The following PALM2AKAP2 variants were observed in gnomAD, a reference collection of about 807,000 sequenced individuals.
The protein encoded by PALM2AKAP2 is PALM2 and AKAP2 fusion, also known as PALM2-AKAP2 fusion protein.
Under a neutral mutation model 71.5 loss-of-function variants are expected in PALM2AKAP2, and 37 were observed. That is an observed-to-expected ratio of 0.52 (90% CI 0.40 to 0.68). The LOEUF (loss-of-function observed/expected upper bound fraction) is 0.68. PALM2AKAP2 is among the 30% of genes least tolerant of loss of function. PALM2AKAP2 has a pLI of 0.00. For synonymous variants in PALM2AKAP2, 468 were observed against 478.8 expected, an observed-to-expected ratio of 0.98 and a Z score of 0.29; for missense variants, 1,224 against 1,191.8, an observed-to-expected ratio of 1.03 and a Z score of -0.40.
intron 1 of PALM2AKAP2, among the ~76,000 whole-genome samples, chr9:109,742,754 T>C (rs907755039): frequency 2.7e-4 from 41 of 152,184 alleles, no homozygotes; most frequent in African/African-American, 9.9e-4. Context: ...CTACATGCCA[T>C]ATTTGGGGTA....
At chr9:110,067,089 T>C (rs1454613854) in intron 1 of PALM2AKAP2, among the ~76,000 whole-genome samples, 2 of 152,130 alleles carry the variant, frequency 1.3e-5, no homozygotes, top group African/African-American at 4.8e-5. Context: ...TGACTATTAG[T>C]CATTCTAACG....
At chr9:110,039,903 G>T (rs982129668) in intron 7 of PALM2AKAP2, among the ~76,000 whole-genome samples, 1 of 152,010 alleles carries the variant, frequency 6.6e-6, no homozygotes, top group African/African-American at 2.4e-5. Context: ...AGGTATTTGA[G>T]TTTGCAATGC....
chr9:109,934,824 AC>A (rs1199366400), intron 6 of PALM2AKAP2, among the ~76,000 whole-genome samples: 1 of 152,226 alleles, frequency 6.6e-6, no homozygotes, highest in Admixed American at 6.5e-5. Context: ...CTATACATAT[AC>A]TACTTCACCT....
chr9:109,724,491 A>G (rs1047821591), intron 1 of PALM2AKAP2, among the ~76,000 whole-genome samples: 2 of 149,760 alleles, frequency 1.3e-5, no homozygotes, highest in East Asian at 2.0e-4. Context: ...AAAGACACCA[A>G]ATAAATTTAT....
intron 1 of PALM2AKAP2, among the ~76,000 whole-genome samples, chr9:109,807,298 G>A (rs2131423598): frequency 6.6e-6 from 1 of 152,340 alleles, no homozygotes; most frequent in South Asian, 2.1e-4. Context: ...TTCAATTTTT[G>A]GAGATGTTGG....
intron 6 of PALM2AKAP2, among the ~76,000 whole-genome samples, chr9:109,958,316 C>A (rs190333593): frequency 3.1e-4 from 47 of 152,286 alleles, no homozygotes; most frequent in Admixed American, 3.1e-3. Flanking sequence ...ATCAACCAAA[C>A]CACTTAATTC....
intron 3 of PALM2AKAP2, among the ~76,000 whole-genome samples, chr9:109,904,199 G>A (rs1830392261): frequency 6.6e-6 from 1 of 152,200 alleles, no homozygotes; most frequent in Admixed American, 6.5e-5. Flanking sequence ...TAACTTTGAT[G>A]TAGGTATTCC....
At chr9:110,092,894 A>G (rs1327633564) in intron 1 of PALM2AKAP2, among the ~76,000 whole-genome samples, 1 of 151,994 alleles carries the variant, frequency 6.6e-6, no homozygotes, top group African/African-American at 2.4e-5. Flanking sequence ...ATGGGGTCTC[A>G]TGGGCTCTGA....
chr9:110,168,638 T>C, exon 4 of PALM2AKAP2: 1 of 985,680 alleles, frequency 1.0e-6, no homozygotes, highest in Non-Finnish European at 1.4e-6. Context: ...AGCTGCAATA[T>C]ACAATGATGA....
chr9:109,979,194 T>G (rs1379917187), intron 6 of PALM2AKAP2, among the ~76,000 whole-genome samples: 6 of 152,152 alleles, frequency 3.9e-5, no homozygotes, highest in African/African-American at 1.4e-4. Flanking sequence ...GATTTCACCA[T>G]GTTGGCCAGG....
intron 1 of PALM2AKAP2, among the ~76,000 whole-genome samples, chr9:109,685,853 C>T (rs969710039): frequency 1.3e-5 from 2 of 151,864 alleles, no homozygotes; most frequent in African/African-American, 2.4e-5. Flanking sequence ...CAATGCTGTT[C>T]GATAGTATTT....
At chr9:109,964,659 A>G (rs1031036544) in intron 6 of PALM2AKAP2, among the ~76,000 whole-genome samples, 5 of 152,162 alleles carry the variant, frequency 3.3e-5, no homozygotes, top group Admixed American at 6.5e-5. Flanking sequence ...ATCAGCCACC[A>G]TCATATTGAG....
intron 1 of PALM2AKAP2, among the ~76,000 whole-genome samples, chr9:109,799,320 T>C (rs1010716576): frequency 1.1e-4 from 17 of 152,200 alleles, no homozygotes; most frequent in Admixed American, 9.8e-4. Flanking sequence ...TGTGAGAGGC[T>C]GAGAGCCACT....
chr9:109,805,560 T>C (rs553929133), intron 1 of PALM2AKAP2, among the ~76,000 whole-genome samples: 2 of 152,194 alleles, frequency 1.3e-5, no homozygotes, highest in Non-Finnish European at 2.9e-5. Context: ...AAAAGTAGGA[T>C]CAAGTCCAAA....
chr9:110,010,996 CAAAAAAAA>C (rs754903953), intron 6 of PALM2AKAP2, among the ~76,000 whole-genome samples: 4 of 54,290 alleles, frequency 7.4e-5, no homozygotes, highest in African/African-American at 2.9e-4. Context: ...AACTCTGTCT[CAAAAAAAA>C]AAAAAAAAAA....
At chr9:109,982,345 A>G (rs1422478618) in intron 6 of PALM2AKAP2, among the ~76,000 whole-genome samples, 1 of 152,186 alleles carries the variant, frequency 6.6e-6, no homozygotes, top group Non-Finnish European at 1.5e-5. Context: ...TAATAAGTAC[A>G]AAAATATGAT....
chr9:109,732,424 A>G lies in PALM2AKAP2; in HGVS notation c.6-48064A>G, dbSNP rs1410975589. On this transcript the variant is annotated intron_variant, in intron 1 of 6. Coordinates refer to the PALM2AKAP2 transcript ENST00000374531. ...ATGATTAATGAGGTATCTTTGGGGG[A>G]AAATAGCTTTTATTTATAATTGATT... Among the ~76,000 whole-genome samples the G allele has an allele frequency of 2.0e-5, 3 of 152,176 alleles. No individual in the cohort carries two copies. The East Asian group carries it at 5.8e-4, about 29-fold the overall frequency.
At chr9:109,834,295 A>G (rs375133140) in intron 1 of PALM2AKAP2, among the ~76,000 whole-genome samples, 2 of 152,228 alleles carry the variant, frequency 1.3e-5, no homozygotes, top group Non-Finnish European at 2.9e-5. Context: ...TGAAGTTGAC[A>G]TGGTATCAAC....
chr9:109,928,190 C>T (rs142512662), intron 5 of PALM2AKAP2, among the ~76,000 whole-genome samples: 122 of 152,288 alleles, frequency 8.0e-4, no homozygotes, highest in African/African-American at 2.7e-3. Flanking sequence ...GCAACCTCCA[C>T]CTCCCAGGTT....
Sources: allele counts gnomAD v4.1 joint callset (sites outside exome capture counted in the v4.1 genomes callset), GRCh38; gene constraint gnomAD v4.1.1; transcripts MANE v1.5; gene names NCBI Gene and HGNC (gene_info 2026-07-23, HGNC 2026-07-21).